CCDC14: variants seen among roughly 807,000 people sequenced by gnomAD.
CCDC14 encodes the protein coiled-coil domain-containing protein 14.
A neutral mutation model predicts 81.4 loss-of-function variants in CCDC14; 71 were observed. The observed-to-expected ratio is 0.87, with a 90% CI of 0.72 to 1.06. The LOEUF is 1.06. Among genes scored for constraint, CCDC14 ranks in the 50% least tolerant of loss-of-function variants. The probability of loss-of-function intolerance (pLI) is 0.00; values close to 1 mark genes in which losing one functional copy is unlikely to be tolerated. For missense variants in CCDC14, 1,046 were observed against 1,047.3 expected (o/e 1.00, Z 0.02); for synonymous variants, 332 against 364.8 (o/e 0.91, Z 1.03).
At chr3:123,952,470 A>C in intron 5 of CCDC14, 1 of 356,440 alleles carries the variant, frequency 2.8e-6, no homozygotes. Flanking sequence ...ATCACATGTA[A>C]AAGTTGCTTA....
At chr3:123,912,628 G>C (rs1013333089), downstream of CCDC14, among the ~76,000 whole-genome samples, 3 of 151,770 alleles carry the variant, frequency 2.0e-5, no homozygotes, top group Non-Finnish European at 4.4e-5. Flanking sequence ...CTTTCTAAAT[G>C]GTCTCCAGTC....
At chr3:123,958,575 C>T (rs189611298) in intron 1 of CCDC14, 1 of 152,158 alleles carries the variant, frequency 6.6e-6, no homozygotes, top group African/African-American at 2.4e-5. Context: ...TATATATACA[C>T]AGCAGTACTT....
chr3:123,937,074 TTCTACTGTATGGA>T (rs2036096523), intron 9 of CCDC14, among the ~76,000 whole-genome samples: 1 of 152,120 alleles, frequency 6.6e-6, no homozygotes, highest in Non-Finnish European at 1.5e-5. Context: ...TTGAGTAGTA[TTCTACTGTATGGA>T]TATAGCACTA....
rs2035447599 is a variant in CCDC14, at chr3:123,927,619, C to T, written c.1778+3483G>A. On this transcript the variant is annotated intron_variant, in intron 12 of 12. Transcript: ENST00000409697. The stretch of plus-strand genomic sequence containing the variant: ...AGTAGTCATGAGGCAGGATTTATGC[C>T]CAGCATAAAAACGTGCTTAACAAAA... Among the ~76,000 whole-genome samples the T allele has an allele frequency of 1.3e-5, 2 of 151,520 alleles. 1 individual carries two copies. Among genetic ancestry groups the T allele is most frequent in the Non-Finnish European group, 3.0e-5 (2 of 67,776 alleles).
At chr3:123,891,997 G>A in the CCDC14 span, among the ~76,000 whole-genome samples, 3 of 147,354 alleles carry the variant, frequency 2.0e-5, no homozygotes, top group Non-Finnish European at 2.9e-5. Flanking sequence ...ATGGATGGCC[G>A]CAGGCAAAGA....
At chr3:123,898,300 G>T (rs2034111481) in intron 5 of CCDC14, among the ~76,000 whole-genome samples, 1 of 152,234 alleles carries the variant, frequency 6.6e-6, no homozygotes, top group African/African-American at 2.4e-5. Context: ...AAGCATATCA[G>T]CAGAGTGTTT....
chr3:123,911,749 T>C (rs1306702926), downstream of CCDC14, among the ~76,000 whole-genome samples: 1 of 152,148 alleles, frequency 6.6e-6, no homozygotes, highest in Non-Finnish European at 1.5e-5. Context: ...AATGAATCTT[T>C]AGCTGAGGGA....
intron 8 of CCDC14, 52 bp from the exon 9 acceptor site, chr3:123,945,042 A>T: frequency 7.7e-7 from 1 of 1,291,394 alleles, no homozygotes; most frequent in Non-Finnish European, 1.1e-6. Flanking sequence ...TTTGGACAAG[A>T]TTATTAGTAT....
intron 5 of CCDC14, among the ~76,000 whole-genome samples, chr3:123,899,852 G>A (rs954655190): frequency 1.3e-5 from 2 of 152,178 alleles, no homozygotes; most frequent in African/African-American, 4.8e-5. Context: ...CTCCAGCCAT[G>A]GGAGCACCTC....
At chr3:123,946,377 T>C (rs967693991) in intron 8 of CCDC14, among the ~76,000 whole-genome samples, 1 of 152,180 alleles carries the variant, frequency 6.6e-6, no homozygotes, top group African/African-American at 2.4e-5. Context: ...AAAGTGAGAT[T>C]TGTTAAACAA....
At chr3:123,954,152 T>G (rs1009325432) in intron 5 of CCDC14, 3 of 152,124 alleles carry the variant, frequency 2.0e-5, no homozygotes, top group Non-Finnish European at 4.4e-5. Flanking sequence ...AGACAAAAAG[T>G]AGGAGACTGG....
chr3:123,885,478 C>T, the CCDC14 span, among the ~76,000 whole-genome samples: 1 of 146,334 alleles, frequency 6.8e-6, no homozygotes, highest in Non-Finnish European at 1.5e-5. Context: ...TCCCCCCACT[C>T]TTTTTTTTTT....
In CCDC14 at chr3:123,901,050, G is replaced by A. The variant is rs977120022; in HGVS notation, c.668-3437C>T. Among the ~76,000 whole-genome samples, 13 of 152,010 alleles carry A rather than the reference G, an allele frequency of 8.6e-5. No homozygotes were observed. In the East Asian group the frequency reaches 2.3e-3, roughly 27 times the overall value. Reference sequence around the variant, plus strand: ...AGATCGAGACCATCCTGGCTAACACGGTGAAGCCCTGTCTCTACTAAAAAT... The same window carrying A: ...AGATCGAGACCATCCTGGCTAACACAGTGAAGCCCTGTCTCTACTAAAAAT... On this transcript the variant is annotated intron_variant, in intron 5 of 5. Coordinates refer to the CCDC14 transcript ENST00000479903.
intron 1 of CCDC14, among the ~76,000 whole-genome samples, chr3:123,960,813 A>G (rs1365455919): frequency 1.3e-5 from 2 of 152,152 alleles, no homozygotes; most frequent in Admixed American, 6.5e-5. Context: ...CTGAGCAGTA[A>G]AAAGTAGTAG....
At chr3:123,897,469 G>T, downstream of CCDC14, 1 of 227,272 alleles carries the variant, frequency 4.4e-6, no homozygotes, top group Non-Finnish European at 8.6e-6. Context: ...GGAGGTGACT[G>T]AAGTTGAAGT....
rs144245812 is a variant in CCDC14 at position 123,942,420 on chromosome 3, C to T, written c.1343+2429G>A. On this transcript the variant is annotated intron_variant, in intron 9 of 12. Transcript: ENST00000409697. ...TGCTGGTAATAGGAATTCCTTAGGTCAAGACTAAAGATGATATTAGATCTT... is the reference window on the plus strand; with the variant it reads ...TGCTGGTAATAGGAATTCCTTAGGTTAAGACTAAAGATGATATTAGATCTT... Among the ~76,000 whole-genome samples the T allele has an allele frequency of 5.0e-4, 76 of 152,086 alleles. No individual in the cohort carries two copies. The East Asian group carries it at 0.011, about 23-fold the overall frequency.
intron 5 of CCDC14, chr3:123,955,048 T>C (rs1324529646): frequency 1.3e-5 from 2 of 152,168 alleles, no homozygotes; most frequent in Non-Finnish European, 2.9e-5. Flanking sequence ...CTACTGACAC[T>C]TTCTCAGCCT....
chr3:123,948,999 G>C lies in CCDC14; in HGVS notation c.486C>G (p.Leu162=), dbSNP rs1312723715. 1 of 1,613,972 alleles carries C rather than the reference G, an allele frequency of 6.2e-7. No individual in the cohort carries two copies. The highest frequency in any genetic ancestry group is 2.2e-5 in the East Asian group (1 of 44,876). The part of the protein sequence containing the change: ...RMYSPIIYQA[L]CEHVQTQMSL... The stretch of plus-strand genomic sequence containing the variant: ...ACATCTGAGTCTGCACGTGCTCACA[G>C]AGGGCTTGGTATATTATGGGTGAAT... Residue 162 remains leucine, a synonymous_variant, in exon 6 of 13, where the codon CTC becomes CTG. Coordinates refer to ENST00000409697, the MANE Select transcript of CCDC14 (RefSeq NM_001366335.1).
At chr3:123,898,506 G>A (rs1166799990) in intron 5 of CCDC14, among the ~76,000 whole-genome samples, 1 of 152,172 alleles carries the variant, frequency 6.6e-6, no homozygotes, top group Non-Finnish European at 1.5e-5. Flanking sequence ...TGTGAGCTGT[G>A]ACCCATGGTC....
Sources: gnomAD v4.1 joint callset for allele counts (sites outside exome capture counted in the v4.1 genomes callset) on GRCh38, gnomAD v4.1.1 for gene constraint, MANE v1.5 for transcripts, NCBI Gene and HGNC (gene_info 2026-07-23, HGNC 2026-07-21) for gene names.